PIK3C2G: variants seen among roughly 807,000 people sequenced by gnomAD.
The protein encoded by PIK3C2G is phosphatidylinositol-4-phosphate 3-kinase catalytic subunit type 2 gamma.
PIK3C2G carries 168 observed loss-of-function variants against 181.1 expected under a neutral mutation model. That is an observed-to-expected ratio of 0.93 (90% CI 0.82 to 1.05). The LOEUF (loss-of-function observed/expected upper bound fraction) is 1.05. Among genes scored for constraint, PIK3C2G ranks in the 50% least tolerant of loss-of-function variants. The pLI is 0.00. For missense variants in PIK3C2G, 1,869 were observed against 1,732.8 expected, an observed-to-expected ratio of 1.08 and a Z score of -1.40; for synonymous variants, 573 against 592.2, an observed-to-expected ratio of 0.97 and a Z score of 0.47.
intron 13 of PIK3C2G, among the ~76,000 whole-genome samples, chr12:18,374,270 CA>C (rs577270061): frequency 9.2e-4 from 140 of 152,074 alleles, no homozygotes; most frequent in South Asian, 4.4e-3. Flanking sequence ...TTCATAATTT[CA>C]AAAAAGGCCT....
At chr12:18,300,402 C>G (rs1398857925) in intron 5 of PIK3C2G, among the ~76,000 whole-genome samples, 1 of 151,920 alleles carries the variant, frequency 6.6e-6, no homozygotes, top group Non-Finnish European at 1.5e-5. Flanking sequence ...TATTGTTTTT[C>G]ACTTAAGTCT....
At chr12:18,408,386 T>C in intron 16 of PIK3C2G, among the ~76,000 whole-genome samples, 1 of 152,202 alleles carries the variant, frequency 6.6e-6, no homozygotes, top group East Asian at 1.9e-4. Flanking sequence ...TGTCTGGCAT[T>C]ATTTCTGAGG....
chr12:18,269,044 G>A (rs1948632889), intron 1 of PIK3C2G, among the ~76,000 whole-genome samples: 1 of 151,948 alleles, frequency 6.6e-6, no homozygotes, highest in African/African-American at 2.4e-5. Flanking sequence ...CCAGGTAGCT[G>A]GGATTACAGC....
intron 8 of PIK3C2G, among the ~76,000 whole-genome samples, chr12:18,330,920 G>T (rs1419836084): frequency 6.6e-6 from 1 of 152,082 alleles, no homozygotes; most frequent in Non-Finnish European, 1.5e-5. Flanking sequence ...TGAAGTCCAG[G>T]TTTATTTTTA....
At chr12:18,716,886 A>G in the PIK3C2G span, among the ~76,000 whole-genome samples, 2 of 152,186 alleles carry the variant, frequency 1.3e-5, no homozygotes, top group Non-Finnish European at 2.9e-5. Context: ...AAGATATTGA[A>G]TGCTTTACAG....
intron 5 of PIK3C2G, among the ~76,000 whole-genome samples, chr12:18,309,611 T>C (rs868035170): frequency 3.3e-5 from 5 of 151,850 alleles, no homozygotes; most frequent in African/African-American, 1.2e-4. Context: ...AACTTCTATA[T>C]TATAGTATGC....
At chr12:18,359,365 C>T (rs1308096004) in intron 11 of PIK3C2G, among the ~76,000 whole-genome samples, 1 of 152,126 alleles carries the variant, frequency 6.6e-6, no homozygotes, top group African/African-American at 2.4e-5. Flanking sequence ...GTCATCTAGC[C>T]TGGAGGGTGT....
At chr12:18,687,427 C>G in the PIK3C2G span, among the ~76,000 whole-genome samples, 1 of 152,260 alleles carries the variant, frequency 6.6e-6, no homozygotes, top group South Asian at 2.1e-4. Context: ...TCAAGGTGAT[C>G]CTGACCAGGG....
intron 26 of PIK3C2G, among the ~76,000 whole-genome samples, chr12:18,557,278 A>G (rs1945062379): frequency 6.6e-6 from 1 of 152,100 alleles, no homozygotes; most frequent in Admixed American, 6.6e-5. Flanking sequence ...AGTGAATAAT[A>G]CAATAATTAA....
At chr12:18,452,911 T>C (rs1200701947) in intron 18 of PIK3C2G, among the ~76,000 whole-genome samples, 1 of 152,228 alleles carries the variant, frequency 6.6e-6, no homozygotes, top group African/African-American at 2.4e-5. Context: ...CTATTTTGGT[T>C]GCACTGTGGT....
chr12:18,252,652 G>T (rs968667360), intron 1 of PIK3C2G, among the ~76,000 whole-genome samples: 1 of 152,108 alleles, frequency 6.6e-6, no homozygotes, highest in Non-Finnish European at 1.5e-5. Flanking sequence ...TAAACTTGGG[G>T]GAACCAGCAA....
At chr12:18,381,329 T>G (rs1216594516) in intron 13 of PIK3C2G, among the ~76,000 whole-genome samples, 2 of 152,106 alleles carry the variant, frequency 1.3e-5, no homozygotes. Flanking sequence ...AATTTAGAAC[T>G]TGTATCTTTA....
chr12:18,399,036 A>T (rs1338860619), intron 15 of PIK3C2G, among the ~76,000 whole-genome samples: 1 of 148,550 alleles, frequency 6.7e-6, no homozygotes, highest in Non-Finnish European at 1.5e-5. Flanking sequence ...TCTACTAAAA[A>T]TACAAAAAAT....
chr12:18,653,389 C>T (rs1950602401), downstream of PIK3C2G, among the ~76,000 whole-genome samples: 1 of 152,154 alleles, frequency 6.6e-6, no homozygotes, highest in South Asian at 2.1e-4. Context: ...ATATTATTTC[C>T]TAGCACAAAA....
the PIK3C2G span, chr12:18,723,201 A>T: frequency 1.3e-5 from 12 of 959,624 alleles, no homozygotes; most frequent in South Asian, 1.9e-4. Context: ...CAAAAACGGT[A>T]ATTTGATAAC....
At chr12:18,325,625 T>C (rs1284662395) in intron 8 of PIK3C2G, among the ~76,000 whole-genome samples, 1 of 151,088 alleles carries the variant, frequency 6.6e-6, no homozygotes, top group East Asian at 2.0e-4. Context: ...GGAGAATAGC[T>C]TGAACCCGGG....
At chr12:18,283,563 A>T (rs1949314552) in intron 2 of PIK3C2G, among the ~76,000 whole-genome samples, 1 of 152,194 alleles carries the variant, frequency 6.6e-6, no homozygotes, top group Admixed American at 6.5e-5. Context: ...AGAAGAAAAG[A>T]TATGATACTT....
At chr12:18,527,797 T>C (rs1289957087) in intron 24 of PIK3C2G, among the ~76,000 whole-genome samples, 2 of 152,126 alleles carry the variant, frequency 1.3e-5, no homozygotes, top group African/African-American at 2.4e-5. Context: ...CTTGATAATT[T>C]TGAAGAAATA....
intron 5 of PIK3C2G, 26 bp from the exon 6 acceptor site, chr12:18,313,936 A>T (rs749443932): frequency 4.5e-6 from 5 of 1,115,580 alleles, no homozygotes; most frequent in Non-Finnish European, 6.7e-6. Flanking sequence ...GGAGGATATG[A>T]TTGTGTTCAT....
Sources: allele counts gnomAD v4.1 joint callset (sites outside exome capture counted in the v4.1 genomes callset), GRCh38; gene constraint gnomAD v4.1.1; transcripts MANE v1.5; gene names NCBI Gene and HGNC (gene_info 2026-07-23, HGNC 2026-07-21).